HMCN1: variants seen among roughly 807,000 people sequenced by gnomAD.
HMCN1 encodes the protein hemicentin-1.
HMCN1 carries 321 observed loss-of-function variants against 625.9 expected under a neutral mutation model. That is an observed-to-expected ratio of 0.51 (90% CI 0.47 to 0.56). The LOEUF is 0.56. Ranked by LOEUF, HMCN1 falls within the 20% of genes least tolerant of loss-of-function variation. The pLI, the probability that HMCN1 is intolerant of heterozygous loss-of-function variation, is 0.00. For missense variants in HMCN1, 6,588 were observed against 6,887.3 expected (o/e 0.96, Z 1.54); for synonymous variants, 2,425 against 2,417.6 (o/e 1.00, Z -0.09).
chr1:186,176,795 G>GCATA, intron 103 of HMCN1: 1 of 152,216 alleles, frequency 6.6e-6, no homozygotes, highest in African/African-American at 2.4e-5. Context: ...AAAAGGAAAG[G>GCATA]AAACATAAAA....
intron 18 of HMCN1, 41 bp from the exon 19 acceptor site, chr1:185,984,128 C>A: frequency 6.4e-7 from 1 of 1,570,902 alleles, no homozygotes; most frequent in Non-Finnish European, 8.7e-7. Flanking sequence ...CTCACAAATC[C>A]TTTCTTTTTA....
At chr1:186,114,720 T>C in intron 73 of HMCN1, 99 bp from the exon 74 acceptor site, 1 of 1,399,338 alleles carries the variant, frequency 7.1e-7, no homozygotes, top group Non-Finnish European at 1.0e-6. Flanking sequence ...GGAAAAATAC[T>C]GAATGGATTT....
chr1:185,765,906 C>G (rs1655841687), intron 1 of HMCN1, among the ~76,000 whole-genome samples: 1 of 152,140 alleles, frequency 6.6e-6, no homozygotes, highest in African/African-American at 2.4e-5. Context: ...TCCTGCTGTT[C>G]TGGATCTTCT....
At chr1:186,051,976 T>C (rs1335838378) in intron 42 of HMCN1, among the ~76,000 whole-genome samples, 1 of 151,842 alleles carries the variant, frequency 6.6e-6, no homozygotes, top group Non-Finnish European at 1.5e-5. Flanking sequence ...TGATGGAAAA[T>C]GGGATGGGTA....
intron 11 of HMCN1, among the ~76,000 whole-genome samples, chr1:185,960,398 G>A (rs544762772): frequency 6.6e-6 from 1 of 152,174 alleles, no homozygotes; most frequent in South Asian, 2.1e-4. Context: ...CAAAGTGTTG[G>A]GATTACAGGC....
chr1:186,019,491 C>A, intron 34 of HMCN1, 50 bp from the exon 35 acceptor site: 1 of 1,390,842 alleles, frequency 7.2e-7, no homozygotes, highest in Non-Finnish European at 1.0e-6. Context: ...TTTTTAAGTT[C>A]GACCTCACTG....
At chr1:186,187,788 C>G in intron 105 of HMCN1, 95 bp from the exon 106 acceptor site, 1 of 1,508,786 alleles carries the variant, frequency 6.6e-7, no homozygotes, top group Non-Finnish European at 9.2e-7. Flanking sequence ...AGAAGGCTAG[C>G]CCTCCACATT....
At chr1:186,158,126 T>C (rs1273776091) in intron 97 of HMCN1, among the ~76,000 whole-genome samples, 1 of 148,634 alleles carries the variant, frequency 6.7e-6, no homozygotes, top group African/African-American at 2.5e-5. Context: ...TTTTAATGAT[T>C]GCCATTCTAA....
At chr1:186,003,578 A>G in intron 28 of HMCN1, 140 bp from the exon 29 acceptor site, 1 of 769,012 alleles carries the variant, frequency 1.3e-6, no homozygotes. Context: ...AATGATATGA[A>G]AAAGTATTGT....
intron 69 of HMCN1, among the ~76,000 whole-genome samples, chr1:186,105,009 A>G (rs1160489504): frequency 6.6e-6 from 1 of 152,236 alleles, no homozygotes; most frequent in African/African-American, 2.4e-5. Flanking sequence ...AGTTAAGGCC[A>G]TTACTGTAGG....
chr1:186,170,458 A>C (rs1170899069), intron 100 of HMCN1, among the ~76,000 whole-genome samples: 1 of 152,198 alleles, frequency 6.6e-6, no homozygotes, highest in African/African-American at 2.4e-5. Context: ...TATATATTCA[A>C]AGGATTATAA....
chr1:186,016,938 A>G, intron 32 of HMCN1, 25 bp from the exon 33 acceptor site: 4 of 1,255,828 alleles, frequency 3.2e-6, no homozygotes, highest in East Asian at 2.3e-5. Flanking sequence ...ATTTCTTTGC[A>G]TGTTACATTC....
Position 185,948,816 on chromosome 1 carries a change from A to G in HMCN1, c.1829-13702A>G, listed in dbSNP as rs1466915921. On this transcript the variant is annotated intron_variant, in intron 11 of 106. Coordinates refer to ENST00000271588, the MANE Select transcript of HMCN1 (RefSeq NM_031935.3). Reference sequence around the variant, plus strand: ...TGAAAATTTTTGGGGGGTGGTATGGAGAGAGAATGGGCGATGTTTCTCAGG... The same window carrying G: ...TGAAAATTTTTGGGGGGTGGTATGGGGAGAGAATGGGCGATGTTTCTCAGG... Among the ~76,000 whole-genome samples the G allele has an allele frequency of 5.3e-5, 8 of 151,714 alleles. No individual in the cohort carries two copies. In the East Asian group the frequency reaches 1.6e-3, roughly 30 times the overall value.
chr1:185,798,179 G>C (rs1289981209), intron 1 of HMCN1, among the ~76,000 whole-genome samples: 1 of 152,026 alleles, frequency 6.6e-6, no homozygotes, highest in African/African-American at 2.4e-5. Context: ...TTAGCAGAAT[G>C]CAACATTCAT....
At chr1:185,898,186 C>G (rs1482995592) in intron 4 of HMCN1, among the ~76,000 whole-genome samples, 2 of 152,096 alleles carry the variant, frequency 1.3e-5, no homozygotes, top group Admixed American at 6.5e-5. Flanking sequence ...TTGGATGGGG[C>G]TGGGATGCTA....
intron 1 of HMCN1, among the ~76,000 whole-genome samples, chr1:185,739,467 A>G (rs1653825986): frequency 6.6e-6 from 1 of 152,078 alleles, no homozygotes; most frequent in Non-Finnish European, 1.5e-5. Context: ...ACTCTCTTAT[A>G]TCCCCTCCTC....
Position 186,189,919 on chromosome 1 carries a change from A to G in HMCN1, c.*41A>G, listed in dbSNP as rs1186988781. 14 of 1,605,974 alleles carry G rather than the reference A, an allele frequency of 8.7e-6. No individual in the cohort carries two copies. Among genetic ancestry groups the G allele is most frequent in the Non-Finnish European group, 1.2e-5 (14 of 1,176,346 alleles). On this transcript the variant is annotated 3_prime_UTR_variant, in exon 107 of 107. Transcript: ENST00000271588. ...CTATTCCACATATTTAAACCGCATT[A>G]ATCATGGCAATCAAGCCCCCTTCCA...
At chr1:185,925,689 T>C (rs1667241118) in intron 9 of HMCN1, among the ~76,000 whole-genome samples, 1 of 152,184 alleles carries the variant, frequency 6.6e-6, no homozygotes, top group African/African-American at 2.4e-5. Context: ...GGATGTAGCA[T>C]TGGCCAATTT....
chr1:186,000,190 A>G lies in HMCN1; in HGVS notation c.4020A>G (p.Ala1340=). The stretch of plus-strand genomic sequence containing the variant: ...ACAATGGGGAGTACATCTGTGTGGC[A>G]GTCAATGAAGCTGGAACCACAGAAA... ...PYDNGEYICV[A]VNEAGTTERK... is the part of the protein sequence containing the mutation. Residue 1340 remains alanine (A), a synonymous_variant, in exon 26 of 107, where the codon GCA becomes GCG. Transcript: ENST00000271588. 6.2e-7 allele frequency: 1 copy of G among 1,613,224 alleles called. No homozygotes were observed. The highest frequency in any genetic ancestry group is 8.5e-7 in the Non-Finnish European group (1 of 1,179,442).
Sources: allele counts gnomAD v4.1 joint callset (sites outside exome capture counted in the v4.1 genomes callset), GRCh38; gene constraint gnomAD v4.1.1; transcripts MANE v1.5; gene names NCBI Gene and HGNC (gene_info 2026-07-23, HGNC 2026-07-21).